DOCK1: variants seen among roughly 807,000 people sequenced by gnomAD.
DOCK1 encodes the protein dedicator of cytokinesis protein 1.
DOCK1 carries 138 observed loss-of-function variants against 262.7 expected under a neutral mutation model. That is an observed-to-expected ratio of 0.53 (90% CI 0.46 to 0.61). The LOEUF is 0.61. Ranked by LOEUF, DOCK1 falls within the 20% of genes least tolerant of loss-of-function variation. The pLI is 0.00. For missense variants in DOCK1, 1,908 were observed against 2,370.7 expected (o/e 0.80, Z 4.05); for synonymous variants, 866 against 867.4 (o/e 1.00, Z 0.03).
At chr10:126,908,384 C>G (rs2133991777) in intron 1 of DOCK1, among the ~76,000 whole-genome samples, 1 of 152,312 alleles carries the variant, frequency 6.6e-6, no homozygotes, top group South Asian at 2.1e-4. Context: ...GGCTGTGTTT[C>G]CCTGGAGGCG....
chr10:127,336,844 AT>A (rs1565002633), intron 29 of DOCK1, among the ~76,000 whole-genome samples: 1 of 152,090 alleles, frequency 6.6e-6, no homozygotes, highest in African/African-American at 2.4e-5. Flanking sequence ...CAGCTGACAT[AT>A]TTCTTTAAGT....
intron 27 of DOCK1, chr10:127,136,511 A>G (rs910296116): frequency 1.3e-5 from 2 of 151,890 alleles, no homozygotes; most frequent in African/African-American, 2.4e-5. Flanking sequence ...TAAGATCCCT[A>G]CTTCCTATTG....
intron 29 of DOCK1, among the ~76,000 whole-genome samples, chr10:127,290,103 G>GTTCTGTTTCCGTGGATGTGT (rs2061298468): frequency 6.6e-6 from 1 of 151,860 alleles, no homozygotes; most frequent in African/African-American, 2.4e-5. Context: ...ACTCTTGGTG[G>GTTCTGTTTCCGTGGATGTGT]TTCTGTTTCC....
intron 1 of DOCK1, among the ~76,000 whole-genome samples, chr10:126,923,200 T>C (rs2033376621): frequency 6.6e-6 from 1 of 152,256 alleles, no homozygotes; most frequent in African/African-American, 2.4e-5. Flanking sequence ...CCATAGGCTG[T>C]AGTTTGCTGA....
intron 27 of DOCK1, among the ~76,000 whole-genome samples, chr10:127,211,442 G>A (rs1394380627): frequency 1.3e-5 from 2 of 152,128 alleles, no homozygotes; most frequent in South Asian, 2.1e-4. Context: ...TCTCCGATTT[G>A]GTGTCTTTAT....
chr10:127,109,547 T>G (rs1235122327), intron 24 of DOCK1, among the ~76,000 whole-genome samples: 1 of 152,174 alleles, frequency 6.6e-6, no homozygotes. Context: ...CATTTTTCCT[T>G]CCTAGCCCAG....
chr10:127,160,162 G>A (rs2053472540), intron 27 of DOCK1, among the ~76,000 whole-genome samples: 1 of 151,732 alleles, frequency 6.6e-6, no homozygotes, highest in Non-Finnish European at 1.5e-5. Flanking sequence ...GTCTCTCACT[G>A]TGCTGTCATT....
At chr10:127,391,694 C>G (rs2066488398) in intron 38 of DOCK1, among the ~76,000 whole-genome samples, 1 of 152,072 alleles carries the variant, frequency 6.6e-6, no homozygotes, top group South Asian at 2.1e-4. Flanking sequence ...CACTTCTGAA[C>G]AACTCGGGCC....
At chr10:127,017,299 A>G (rs138482171) in intron 12 of DOCK1, among the ~76,000 whole-genome samples, 3 of 151,130 alleles carry the variant, frequency 2.0e-5, no homozygotes, top group African/African-American at 4.9e-5. Flanking sequence ...ACACATGGGT[A>G]TAGACACAGA....
At chr10:127,429,614 C>T (rs1019513916) in intron 47 of DOCK1, among the ~76,000 whole-genome samples, 10 of 152,224 alleles carry the variant, frequency 6.6e-5, no homozygotes, top group Middle Eastern at 3.2e-3. Context: ...TCTGACTTCT[C>T]GATACCCAGG....
At position 127,158,279 on chromosome 10, in the gene DOCK1, C is replaced by T. The variant is rs532724014; in HGVS notation, c.2847+30515C>T. Reference sequence around the variant, plus strand: ...ATATTGCCATTGCCATAAGGAAGAACAACCTAAAAACTTTAAACTGCTAGA... The same window carrying T: ...ATATTGCCATTGCCATAAGGAAGAATAACCTAAAAACTTTAAACTGCTAGA... On this transcript the variant is annotated intron_variant, in intron 27 of 51. Transcript: ENST00000623213. Among the ~76,000 whole-genome samples the T allele has an allele frequency of 7.2e-5, 11 of 152,274 alleles. No homozygotes were observed. In the South Asian group the frequency reaches 2.1e-3, roughly 29 times the overall value.
At chr10:127,336,818 C>T (rs911737988) in intron 29 of DOCK1, among the ~76,000 whole-genome samples, 2 of 152,144 alleles carry the variant, frequency 1.3e-5, no homozygotes, top group Admixed American at 6.5e-5. Context: ...GGATTACAGG[C>T]GTGAGCCACC....
chr10:127,363,252 G>A (rs939901143), intron 33 of DOCK1, among the ~76,000 whole-genome samples: 21 of 152,174 alleles, frequency 1.4e-4, no homozygotes, highest in African/African-American at 4.8e-4. Context: ...GCCCACGCCT[G>A]TAATCCTAGC....
rs766830192 is a variant in DOCK1 at position 127,409,365 on chromosome 10, C to T, written c.4317C>T (p.His1439=). 8 of 1,614,008 alleles carry T rather than the reference C, an allele frequency of 5.0e-6. No homozygotes were observed. Among genetic ancestry groups the T allele is most frequent in the Non-Finnish European group, 5.1e-6 (6 of 1,179,892 alleles). The change falls in exon 42 of 52, where the codon CAC becomes CAT. Residue 1439 remains histidine, a synonymous_variant. Transcript: ENST00000623213. ...AACTCGATCTGCCTCCTAAGTTTCACAGGCCAGTGTCAGAGCAGATTGTAA... is the reference window on the plus strand; with the variant it reads ...AACTCGATCTGCCTCCTAAGTTTCATAGGCCAGTGTCAGAGCAGATTGTAA... ...KPKLDLPPKF[H]RPVSEQIVSF... is the part of the protein sequence containing the mutation.
intron 23 of DOCK1, 48 bp downstream of exon 23, chr10:127,061,824 T>C (rs754999822): frequency 1.4e-6 from 2 of 1,455,140 alleles, no homozygotes; most frequent in Admixed American, 4.4e-5. Flanking sequence ...TTTTTTTCTT[T>C]CATTATCTCT....
rs560119064 is a variant in DOCK1 at position 127,079,785 on chromosome 10, G to C, written c.2445+18009G>C. On this transcript the variant is annotated intron_variant, in intron 23 of 51. Coordinates refer to ENST00000623213, the MANE Select transcript of DOCK1 (RefSeq NM_001290223.2). ...TTCTCTTCTAAAAATACAAAAATTA[G>C]CTGGGCGTGTAGGTGCATGCCTGTA... 4.2e-3 allele frequency among the ~76,000 whole-genome samples: 634 copies of C among 152,190 alleles called. 2 individuals carry two copies. Among genetic ancestry groups the C allele is most frequent in the Admixed American group, 7.3e-3 (111 of 15,280 alleles).
chr10:127,091,563 A>AGG lies in DOCK1; in HGVS notation c.2446-14668_2446-14667insGG, dbSNP rs757502422. ...ATCAAGGTCCAAGGAATCAAAGCTCATGCTGTGTTTGCTCCTGAGCAGGAG... is the reference window on the plus strand; with the variant it reads ...ATCAAGGTCCAAGGAATCAAAGCTCAGGTGCTGTGTTTGCTCCTGAGCAGGAG... On this transcript the variant is annotated intron_variant, in intron 23 of 51. Coordinates refer to ENST00000623213, the MANE Select transcript of DOCK1 (RefSeq NM_001290223.2). Among the ~76,000 whole-genome samples the AGG allele has an allele frequency of 8.2e-4, 125 of 152,222 alleles. 1 individual carries two copies. Among genetic ancestry groups the AGG allele is most frequent in the Admixed American group, 5.2e-4 (8 of 15,286 alleles).
At chr10:127,346,312 A>G (rs921084109) in intron 31 of DOCK1, among the ~76,000 whole-genome samples, 3 of 152,188 alleles carry the variant, frequency 2.0e-5, no homozygotes, top group Non-Finnish European at 4.4e-5. Context: ...GACATGCACT[A>G]ACAGCGGTGC....
At chr10:127,212,598 C>T (rs1456342064) in intron 27 of DOCK1, among the ~76,000 whole-genome samples, 1 of 151,956 alleles carries the variant, frequency 6.6e-6, no homozygotes, top group Non-Finnish European at 1.5e-5. Flanking sequence ...AGTTAAGCCT[C>T]TCCTTGTAGT....
Sources: gnomAD v4.1 joint callset for allele counts (sites outside exome capture counted in the v4.1 genomes callset) on GRCh38, gnomAD v4.1.1 for gene constraint, MANE v1.5 for transcripts, NCBI Gene and HGNC (gene_info 2026-07-23, HGNC 2026-07-21) for gene names.